The following NPC2 variants were observed in gnomAD, a reference collection of about 807,000 sequenced individuals.
NPC2 encodes NPC intracellular cholesterol transporter 2.
A neutral mutation model predicts 17.0 loss-of-function variants in NPC2; 14 were observed. The ratio of observed to expected loss-of-function variants is 0.82; its 90% CI spans 0.54 to 1.29. NPC2 has a LOEUF of 1.29. Ranked by LOEUF, NPC2 falls within the 50% of genes most tolerant of loss-of-function variation. The pLI is 0.00. For synonymous variants in NPC2, 75 were observed against 69.3 expected, an observed-to-expected ratio of 1.08 and a Z score of -0.41; for missense variants, 167 against 183.4, an observed-to-expected ratio of 0.91 and a Z score of 0.52.
chr14:74,492,576 AT>A (rs753073965), intron 1 of NPC2, among the ~76,000 whole-genome samples: 3 of 152,218 alleles, frequency 2.0e-5, no homozygotes, highest in Non-Finnish European at 4.4e-5. Flanking sequence ...GGCACTCAGA[AT>A]TTCTACCACC....
At position 74,484,594 on chromosome 14, in the gene NPC2, G is replaced by GA. The variant is rs748909227; in HGVS notation, c.191-8dup. 27 of 1,612,876 alleles carry GA rather than the reference G, an allele frequency of 1.7e-5. No homozygotes were observed. Among genetic ancestry groups the GA allele is most frequent in the Non-Finnish European group, 1.9e-5 (23 of 1,179,632 alleles). On this transcript the variant is annotated splice_polypyrimidine_tract_variant and splice_region_variant and intron_variant, in intron 2 of 4. Transcript: ENST00000555619. The stretch of plus-strand genomic sequence containing the variant: ...CTGCTTTTAGACTGAATATCTAAGA[G>GA]AAAAAAAGAGAATCAGATGGCAAAG...
intron 3 of NPC2, chr14:74,483,271 A>G (rs1205740519): frequency 1.1e-5 from 12 of 1,099,764 alleles, no homozygotes; most frequent in Non-Finnish European, 1.6e-5. Flanking sequence ...TTAAGGACAC[A>G]GAAGATGTTC....
chr14:74,493,409 G>GCGCCC (rs1473040695), upstream of NPC2: 5 of 1,536,882 alleles, frequency 3.3e-6, no homozygotes, highest in African/African-American at 1.4e-5. This position sits in a 1 kb window ranked among gnomAD's most constrained non-coding sequence, Gnocchi z 4.1. Flanking sequence ...AGGCCCGCCC[G>GCGCCC]CGCCCCGCCC....
chr14:74,493,029 C>G lies in NPC2; in HGVS notation c.82+164G>C, dbSNP rs547081675. On this transcript the variant is annotated intron_variant, in intron 1 of 4. Transcript: ENST00000555619. This position sits in a 1 kb window ranked among gnomAD's most constrained non-coding sequence, Gnocchi z 4.1. ...GTGCGCGGTCGGGTTTCATGGAGGC[C>G]GGCGCCTTCTCCCCCGACCCAGCCC... 3.1e-4 allele frequency among the ~76,000 whole-genome samples: 47 copies of G among 152,348 alleles called. No homozygotes were observed. Among genetic ancestry groups the G allele is most frequent in the Admixed American group, 1.5e-3 (23 of 15,306 alleles).
At chr14:74,483,706 T>C (rs2086678455) in intron 3 of NPC2, among the ~76,000 whole-genome samples, 1 of 152,232 alleles carries the variant, frequency 6.6e-6, no homozygotes, top group South Asian at 2.1e-4. Flanking sequence ...TGTATATCTC[T>C]TGGAAAATAA....
chr14:74,487,431 G>T (rs2086725789), intron 1 of NPC2, among the ~76,000 whole-genome samples: 3 of 151,732 alleles, frequency 2.0e-5, no homozygotes, highest in Middle Eastern at 6.8e-3. Flanking sequence ...ACCACACCCG[G>T]CTAATTTTTG....
intron 1 of NPC2, among the ~76,000 whole-genome samples, chr14:74,492,314 G>A (rs564496840): frequency 3.3e-5 from 5 of 152,292 alleles, no homozygotes; most frequent in South Asian, 4.1e-4. Flanking sequence ...TCTAGGCAAT[G>A]CGCAAGGTGA....
chr14:74,481,852 C>T (rs1002249807), intron 3 of NPC2, among the ~76,000 whole-genome samples: 9 of 152,218 alleles, frequency 5.9e-5, no homozygotes, highest in African/African-American at 1.7e-4. Flanking sequence ...CAGGTCCTTT[C>T]TTATGTGGAC....
At chr14:74,491,182 C>T (rs2086768002) in intron 1 of NPC2, among the ~76,000 whole-genome samples, 1 of 152,108 alleles carries the variant, frequency 6.6e-6, no homozygotes, top group South Asian at 2.1e-4. Context: ...AAGCGATTCT[C>T]CTGCCTCAGC....
At chr14:74,481,289 T>C (rs973932024) in intron 3 of NPC2, among the ~76,000 whole-genome samples, 3 of 152,250 alleles carry the variant, frequency 2.0e-5, no homozygotes, top group Non-Finnish European at 4.4e-5. Context: ...TTTCTTGCTT[T>C]AGTGCTGGCC....
At position 74,487,263 on chromosome 14, in the gene NPC2, G is replaced by GTTTTTTTTTTTTTTTTTTTTTTTTTTT. The variant is rs1208707592; in HGVS notation, c.83-828_83-827insAAAAAAAAAAAAAAAAAAAAAAAAAAA. ...TGCACCCTCCCTGTTTTGTTTTTGT[G>GTTTTTTTTTTTTTTTTTTTTTTTTTTT]GTTTTTTTTTGTTTTTTTTTTTTGA... On this transcript the variant is annotated intron_variant, in intron 1 of 4. Coordinates refer to ENST00000555619, the MANE Select transcript of NPC2 (RefSeq NM_006432.5). Among the ~76,000 whole-genome samples, 4 of 134,952 alleles carry GTTTTTTTTTTTTTTTTTTTTTTTTTTT rather than the reference G, an allele frequency of 3.0e-5. 2 individuals carry two copies. Among genetic ancestry groups the GTTTTTTTTTTTTTTTTTTTTTTTTTTT allele is most frequent in the Non-Finnish European group, 3.1e-5 (2 of 63,886 alleles). The allele number at this position is 134,952 out of a possible 152,430, so 88.5% of individuals were successfully genotyped here.
At position 74,487,261 on chromosome 14, in the gene NPC2, GTGGTTTTTTTT is replaced by G. The variant is rs1364702606; in HGVS notation, c.83-836_83-826del. ...ATTGCACCCTCCCTGTTTTGTTTTTGTGGTTTTTTTTTGTTTTTTTTTTTTGAGACAGGGTC... is the reference window on the plus strand; with the variant it reads ...ATTGCACCCTCCCTGTTTTGTTTTTGTGTTTTTTTTTTTTGAGACAGGGTC... On this transcript the variant is annotated intron_variant, in intron 1 of 4. Coordinates refer to ENST00000555619, the MANE Select transcript of NPC2 (RefSeq NM_006432.5). Among the ~76,000 whole-genome samples, 26 of 117,576 alleles carry G rather than the reference GTGGTTTTTTTT, an allele frequency of 2.2e-4. 1 individual carries two copies. Among genetic ancestry groups the G allele is most frequent in the Admixed American group, 1.8e-4 (2 of 11,158 alleles). 77.1% of individuals were successfully genotyped at this position (117,576 alleles called of 152,430 possible).
At chr14:74,487,385 C>T (rs545301929) in intron 1 of NPC2, among the ~76,000 whole-genome samples, 2 of 151,744 alleles carry the variant, frequency 1.3e-5, no homozygotes, top group East Asian at 3.9e-4. Context: ...CCTCCTACTC[C>T]ATCCTCCTGA....
Position 74,493,107 on chromosome 14 carries a change from C to G in NPC2, c.82+86G>C. The stretch of plus-strand genomic sequence containing the variant: ...AGCCTGGCCGCCCGAGGGATCCGCC[C>G]AGCCCAGCCCCAGGGGTCTCAGCGC... On this transcript the variant is annotated intron_variant, in intron 1 of 4. Coordinates refer to ENST00000555619, the MANE Select transcript of NPC2 (RefSeq NM_006432.5). The surrounding 1 kb of genome is among the most constrained non-coding windows in gnomAD (Gnocchi z 4.1). 6.6e-7 allele frequency: 1 copy of G among 1,511,300 alleles called. No individual in the cohort carries two copies. The allele number at this position is 1,511,300 out of a possible 1,614,324, so 93.6% of individuals were successfully genotyped here. A position where few individuals can be genotyped will look rare whatever the true frequency, so the allele number is the denominator to read the frequency against.
intron 3 of NPC2, among the ~76,000 whole-genome samples, chr14:74,483,611 G>C (rs144541513): frequency 2.9e-3 from 443 of 152,290 alleles, no homozygotes; most frequent in African/African-American, 1.0e-2. Flanking sequence ...AATTTGAAGA[G>C]GCTTCTCCTG....
At chr14:74,489,941 T>C (rs2086754154) in intron 1 of NPC2, among the ~76,000 whole-genome samples, 1 of 152,242 alleles carries the variant, frequency 6.6e-6, no homozygotes, top group African/African-American at 2.4e-5. Flanking sequence ...GTGATACATA[T>C]ATTTACTATT....
intron 3 of NPC2, among the ~76,000 whole-genome samples, chr14:74,481,477 C>T (rs8008540): frequency 0.36 from 54,493 of 152,128 alleles, 10,605 homozygotes; most frequent in Non-Finnish European, 0.43. Flanking sequence ...AATGGACTAA[C>T]ACATGAAGGC....
Position 74,493,110 on chromosome 14 carries a change from C to T in NPC2, c.82+83G>A, listed in dbSNP as rs913000687. Reference sequence around the variant, plus strand: ...CTGGCCGCCCGAGGGATCCGCCCAGCCCAGCCCCAGGGGTCTCAGCGCGGG... The same window carrying T: ...CTGGCCGCCCGAGGGATCCGCCCAGTCCAGCCCCAGGGGTCTCAGCGCGGG... On this transcript the variant is annotated intron_variant, in intron 1 of 4. Coordinates refer to ENST00000555619, the MANE Select transcript of NPC2 (RefSeq NM_006432.5). This position sits in a 1 kb window ranked among gnomAD's most constrained non-coding sequence, Gnocchi z 4.1. The T allele has an allele frequency of 2.6e-6, 4 of 1,517,042 alleles. No individual in the cohort carries two copies. In the Admixed American group the frequency reaches 7.9e-5, roughly 30 times the overall value. 94.0% of individuals were successfully genotyped at this position (1,517,042 alleles called of 1,614,324 possible).
At chr14:74,487,885 C>T (rs138546582) in intron 1 of NPC2, among the ~76,000 whole-genome samples, 182 of 152,332 alleles carry the variant, frequency 1.2e-3, no homozygotes, top group Non-Finnish European at 2.2e-3. Context: ...TGGTATTTAT[C>T]ATCCTTGTTT....
Sources: gnomAD v4.1 joint callset for allele counts (sites outside exome capture counted in the v4.1 genomes callset) on GRCh38, gnomAD v4.1.1 for gene constraint, Gnocchi (gnomAD v3.1) non-coding constraint, MANE v1.5 for transcripts, NCBI Gene and HGNC (gene_info 2026-07-23, HGNC 2026-07-21) for gene names.